Variants in CDH11 observed in about 807,000 individuals in gnomAD.
CDH11 encodes the protein cadherin-11.
Under a neutral mutation model 67.8 loss-of-function variants are expected in CDH11, and 11 were observed. That is an observed-to-expected ratio of 0.16 (90% CI 0.10 to 0.27). The LOEUF is 0.27. Among genes scored for constraint, CDH11 ranks in the 10% least tolerant of loss-of-function variants. The pLI is 1.00. For synonymous variants in CDH11, 419 were observed against 400.0 expected, an observed-to-expected ratio of 1.05 and a Z score of -0.57; for missense variants, 847 against 1,031.2, an observed-to-expected ratio of 0.82 and a Z score of 2.45.
At chr16:65,043,026 T>TA (rs2073892925) in intron 2 of CDH11, among the ~76,000 whole-genome samples, 1 of 152,092 alleles carries the variant, frequency 6.6e-6, no homozygotes, top group Non-Finnish European at 1.5e-5. Context: ...CTACTCCATG[T>TA]AAATGCTGAG....
chr16:65,078,784 T>A (rs1395758211), intron 1 of CDH11, among the ~76,000 whole-genome samples: 3 of 152,148 alleles, frequency 2.0e-5, no homozygotes, highest in Non-Finnish European at 4.4e-5. Context: ...CAGATCCTCA[T>A]TTCACAGGGG....
At chr16:65,049,958 G>T (rs1045109718) in intron 2 of CDH11, among the ~76,000 whole-genome samples, 1 of 152,184 alleles carries the variant, frequency 6.6e-6, no homozygotes, top group Non-Finnish European at 1.5e-5. Context: ...GCAGAGCCCG[G>T]TGGGTTCTGC....
At chr16:65,111,182 C>A (rs148586668) in intron 1 of CDH11, among the ~76,000 whole-genome samples, 20 of 152,254 alleles carry the variant, frequency 1.3e-4, no homozygotes, top group African/African-American at 4.6e-4. Context: ...TGACCAAACT[C>A]AGCAATATGA....
intron 1 of CDH11, among the ~76,000 whole-genome samples, chr16:65,116,070 C>T (rs920616796): frequency 6.6e-6 from 1 of 152,190 alleles, no homozygotes; most frequent in African/African-American, 2.4e-5. Context: ...GGCCCCGCTG[C>T]TGGGCACTAT....
intron 8 of CDH11, among the ~76,000 whole-genome samples, chr16:64,974,500 C>A (rs545027367): frequency 5.9e-5 from 9 of 152,280 alleles, no homozygotes; most frequent in Admixed American, 2.0e-4. Context: ...GAAGCCAGAT[C>A]TTCTAATCCC....
chr16:65,112,621 T>C (rs1284623817), intron 1 of CDH11, among the ~76,000 whole-genome samples: 1 of 152,174 alleles, frequency 6.6e-6, no homozygotes, highest in Non-Finnish European at 1.5e-5. Context: ...GGGTTTGAAA[T>C]GAATTTCAAA....
At chr16:65,000,681 C>T (rs919427435) in intron 3 of CDH11, among the ~76,000 whole-genome samples, 3 of 152,000 alleles carry the variant, frequency 2.0e-5, no homozygotes, top group African/African-American at 7.2e-5. Flanking sequence ...TGATAGCTTG[C>T]ACCTGTAATC....
At chr16:65,013,657 T>C (rs1443519065) in intron 2 of CDH11, among the ~76,000 whole-genome samples, 1 of 152,086 alleles carries the variant, frequency 6.6e-6, no homozygotes, top group African/African-American at 2.4e-5. Context: ...ACCCAGTTTC[T>C]ACTAAAAAAA....
At chr16:64,981,879 G>A (rs1020500038) in intron 8 of CDH11, 169 bp downstream of exon 8, 1 of 583,598 alleles carries the variant, frequency 1.7e-6, no homozygotes, top group African/African-American at 1.9e-5. Flanking sequence ...CAGGAACAGA[G>A]GTGAAGGGAA....
At chr16:65,025,125 A>T (rs1331416019) in intron 2 of CDH11, among the ~76,000 whole-genome samples, 3 of 152,186 alleles carry the variant, frequency 2.0e-5, no homozygotes, top group African/African-American at 7.2e-5. Context: ...ACTGACAACT[A>T]ACAACTCACT....
chr16:65,039,435 A>C (rs1469781266), intron 2 of CDH11, among the ~76,000 whole-genome samples: 1 of 152,190 alleles, frequency 6.6e-6, no homozygotes, highest in Non-Finnish European at 1.5e-5. Flanking sequence ...ATCTTTGACA[A>C]ACCTGACAAA....
chr16:65,079,463 C>T (rs907777025), intron 1 of CDH11, among the ~76,000 whole-genome samples: 5 of 152,078 alleles, frequency 3.3e-5, no homozygotes, highest in African/African-American at 9.7e-5. Flanking sequence ...ACAAAATTTA[C>T]CTTACACTAT....
intron 1 of CDH11, among the ~76,000 whole-genome samples, chr16:65,114,342 G>A (rs1362280588): frequency 1.3e-5 from 2 of 152,154 alleles, no homozygotes; most frequent in Non-Finnish European, 2.9e-5. Context: ...AGAGAGTGAA[G>A]GAGGCCCAGG....
chr16:65,022,839 G>C (rs569624777), intron 2 of CDH11, among the ~76,000 whole-genome samples: 1 of 152,054 alleles, frequency 6.6e-6, no homozygotes, highest in Non-Finnish European at 1.5e-5. Flanking sequence ...CCAGAGCATC[G>C]GGGGGCAGCC....
intron 1 of CDH11, among the ~76,000 whole-genome samples, chr16:65,092,368 G>A (rs994889576): frequency 6.6e-6 from 1 of 152,056 alleles, no homozygotes; most frequent in South Asian, 2.1e-4. Context: ...TTCCAGTGAC[G>A]GCAACCTCAC....
chr16:65,020,961 C>A (rs1031293901), intron 2 of CDH11, among the ~76,000 whole-genome samples: 14 of 151,896 alleles, frequency 9.2e-5, no homozygotes, highest in African/African-American at 3.1e-4. Flanking sequence ...AGGCAAAACA[C>A]CAAAAAATCA....
chr16:65,041,939 G>A (rs1815636856), intron 2 of CDH11, among the ~76,000 whole-genome samples: 1 of 152,212 alleles, frequency 6.6e-6, no homozygotes, highest in Non-Finnish European at 1.5e-5. Flanking sequence ...TAATGGTCCA[G>A]GAGGAACTCA....
At chr16:65,084,764 A>G (rs2074668390) in intron 1 of CDH11, among the ~76,000 whole-genome samples, 1 of 152,206 alleles carries the variant, frequency 6.6e-6, no homozygotes, top group African/African-American at 2.4e-5. Flanking sequence ...AGTTTAAAAT[A>G]TTAATCACAA....
At chr16:65,122,142 GGGC>G, upstream of CDH11, 3 of 512,248 alleles carry the variant, frequency 5.9e-6, no homozygotes, top group South Asian at 2.2e-5. Flanking sequence ...GGGGCGGGGG[GGGC>G]GGGAGGAGGG....
Sources: allele counts gnomAD v4.1 joint callset (sites outside exome capture counted in the v4.1 genomes callset), GRCh38; gene constraint gnomAD v4.1.1; transcripts MANE v1.5; gene names NCBI Gene and HGNC (gene_info 2026-07-23, HGNC 2026-07-21).